The following FRMPD2 variants were observed in gnomAD, a reference collection of about 807,000 sequenced individuals.
The protein encoded by FRMPD2 is FERM and PDZ domain containing 2.
FRMPD2 carries 96 observed loss-of-function variants against 140.1 expected under a neutral mutation model. That is an observed-to-expected ratio of 0.69 (90% CI 0.58 to 0.81). FRMPD2 has a LOEUF of 0.81. Among genes scored for constraint, FRMPD2 ranks in the 40% least tolerant of loss-of-function variants. The pLI is 0.00. For synonymous variants in FRMPD2, 449 were observed against 547.6 expected, an observed-to-expected ratio of 0.82 and a Z score of 2.52; for missense variants, 1,240 against 1,447.4, an observed-to-expected ratio of 0.86 and a Z score of 2.32.
chr10:48,270,548 T>A (rs1840749307), intron 1 of FRMPD2, among the ~76,000 whole-genome samples: 1 of 152,262 alleles, frequency 6.6e-6, no homozygotes, highest in African/African-American at 2.4e-5. Context: ...CCTCTTCAAA[T>A]CACTCTACAT....
rs148604446 is a variant in FRMPD2, at chr10:48,236,229, G to A, written c.993+253C>T. 2.3e-3 allele frequency among the ~76,000 whole-genome samples: 345 copies of A among 152,270 alleles called. 2 individuals are homozygous for A. The highest frequency in any genetic ancestry group is 8.1e-3 in the African/African-American group (335 of 41,552). On this transcript the variant is annotated intron_variant, in intron 9 of 28. Coordinates refer to ENST00000374201, the MANE Select transcript of FRMPD2 (RefSeq NM_001018071.4). ...GAATAGTGCCTGGCACCTGGTAGATGTTTCACAGCATTCCCTAGCTGAGGC... is the reference window on the plus strand; with the variant it reads ...GAATAGTGCCTGGCACCTGGTAGATATTTCACAGCATTCCCTAGCTGAGGC...
chr10:48,260,068 T>A (rs918056980), intron 1 of FRMPD2, among the ~76,000 whole-genome samples: 1 of 151,916 alleles, frequency 6.6e-6, no homozygotes, highest in African/African-American at 2.4e-5. Context: ...GTATAACATA[T>A]GTGTAAAAGG....
intron 10 of FRMPD2, among the ~76,000 whole-genome samples, chr10:48,227,627 T>C (rs1839753349): frequency 6.6e-6 from 1 of 152,238 alleles, no homozygotes; most frequent in Admixed American, 6.5e-5. Context: ...AAAGGCTTAT[T>C]GGCTTTGAGT....
chr10:48,245,473 T>C (rs1321284471), intron 3 of FRMPD2, among the ~76,000 whole-genome samples: 1 of 152,252 alleles, frequency 6.6e-6, no homozygotes. Flanking sequence ...AAGAGCATTG[T>C]TTGACATCTC....
At chr10:48,191,138 C>CT (rs978393954) in intron 16 of FRMPD2, among the ~76,000 whole-genome samples, 1 of 152,214 alleles carries the variant, frequency 6.6e-6, no homozygotes, top group Non-Finnish European at 1.5e-5. Context: ...CTGACAGCTT[C>CT]TTTTTGGGAT....
intron 2 of FRMPD2, among the ~76,000 whole-genome samples, chr10:48,249,415 C>A (rs777795783): frequency 2.0e-5 from 3 of 152,178 alleles, no homozygotes; most frequent in Admixed American, 6.5e-5. Context: ...ATCTGTGGCC[C>A]AAGAGTCTCA....
At chr10:48,225,189 G>C (rs375594819) in intron 10 of FRMPD2, among the ~76,000 whole-genome samples, 1 of 152,306 alleles carries the variant, frequency 6.6e-6, no homozygotes, top group South Asian at 2.1e-4. Flanking sequence ...AAGAAATCCA[G>C]CTGTGGCAGC....
At chr10:48,234,263 G>A (rs1330050280) in intron 9 of FRMPD2, among the ~76,000 whole-genome samples, 1 of 152,152 alleles carries the variant, frequency 6.6e-6, no homozygotes, top group Non-Finnish European at 1.5e-5. Flanking sequence ...ACATTAAACA[G>A]CAAATAAAAA....
intron 12 of FRMPD2, among the ~76,000 whole-genome samples, chr10:48,216,045 C>T (rs185172047): frequency 2.0e-5 from 3 of 152,312 alleles, no homozygotes; most frequent in Non-Finnish European, 2.9e-5. Flanking sequence ...GAAGCAGCTC[C>T]TCTCTGCCTG....
intron 12 of FRMPD2, among the ~76,000 whole-genome samples, chr10:48,215,641 G>A (rs1324183629): frequency 6.6e-6 from 1 of 152,174 alleles, no homozygotes; most frequent in Non-Finnish European, 1.5e-5. Flanking sequence ...TCTGCCTTTG[G>A]GGGCCACATG....
In FRMPD2 at chr10:48,164,208, A is replaced by T. The variant is rs1283001118; in HGVS notation, c.3538-537T>A. ...TGCCACTGCTTGACCTTCTACAGAA[A>T]AACAATCTGTGTTTCAGTAGAAAAC... is the stretch of plus-strand genomic sequence containing the variant. On this transcript the variant is annotated intron_variant, in intron 27 of 28. Coordinates refer to ENST00000374201, the MANE Select transcript of FRMPD2 (RefSeq NM_001018071.4). Among the ~76,000 whole-genome samples, 46 of 150,732 alleles carry T rather than the reference A, an allele frequency of 3.1e-4. 2 individuals are homozygous for T. The highest frequency in any genetic ancestry group is 5.9e-5 in the Non-Finnish European group (4 of 67,832).
intron 10 of FRMPD2, among the ~76,000 whole-genome samples, chr10:48,225,339 T>A (rs1588840760): frequency 6.6e-6 from 1 of 152,064 alleles, no homozygotes; most frequent in Non-Finnish European, 1.5e-5. Flanking sequence ...CCACAGGAAA[T>A]GTTTTCCATT....
Position 48,229,585 on chromosome 10 carries a change from C to T in FRMPD2, c.1168+2530G>A, listed in dbSNP as rs149959407. Among the ~76,000 whole-genome samples, 543 of 152,172 alleles carry T rather than the reference C, an allele frequency of 3.6e-3. 1 individual carries two copies. Among genetic ancestry groups the T allele is most frequent in the South Asian group, 0.02 (96 of 4,824 alleles). On this transcript the variant is annotated intron_variant, in intron 10 of 28. Coordinates refer to ENST00000374201, the MANE Select transcript of FRMPD2 (RefSeq NM_001018071.4). ...TATCCAATAATAAGTGGTGCCAAAT[C>T]TTTAAGTTATATTTATAAATATAGT...
chr10:48,178,517 T>C (rs1425835299), intron 21 of FRMPD2, among the ~76,000 whole-genome samples: 2 of 152,074 alleles, frequency 1.3e-5, no homozygotes, highest in Admixed American at 1.3e-4. Context: ...CGCAGGAAAA[T>C]AGACAAGCTG....
chr10:48,244,450 C>G (rs1218236232), intron 4 of FRMPD2, among the ~76,000 whole-genome samples: 1 of 152,172 alleles, frequency 6.6e-6, no homozygotes, highest in Non-Finnish European at 1.5e-5. Context: ...TGTTTTAAAG[C>G]CTTTTTAAAA....
intron 3 of FRMPD2, among the ~76,000 whole-genome samples, chr10:48,247,422 G>T (rs920935337): frequency 8.5e-5 from 13 of 152,230 alleles, no homozygotes; most frequent in African/African-American, 2.7e-4. Flanking sequence ...TGACAGTGTA[G>T]AGAAAATGGG....
At chr10:48,159,502 C>A (rs1837876778) in intron 28 of FRMPD2, among the ~76,000 whole-genome samples, 1 of 151,818 alleles carries the variant, frequency 6.6e-6, no homozygotes, top group African/African-American at 2.4e-5. Context: ...GGCATGACAT[C>A]TCCCTCACCT....
At chr10:48,247,846 T>C (rs1017643862) in intron 3 of FRMPD2, among the ~76,000 whole-genome samples, 1 of 152,140 alleles carries the variant, frequency 6.6e-6, no homozygotes, top group African/African-American at 2.4e-5. Context: ...CGCAAGTCTG[T>C]GTCCAATCCA....
At chr10:48,240,633 C>CAGAGCACATTCTGGGTG in intron 5 of FRMPD2, 141 bp from the exon 6 acceptor site, 2 of 1,187,246 alleles carry the variant, frequency 1.7e-6, no homozygotes, top group Non-Finnish European at 2.4e-6. Flanking sequence ...TTCTCTGGCA[C>CAGAGCACATTCTGGGTG]CCAGAATGTG....
Sources: allele counts gnomAD v4.1 joint callset (sites outside exome capture counted in the v4.1 genomes callset), GRCh38; gene constraint gnomAD v4.1.1; transcripts MANE v1.5; gene names NCBI Gene and HGNC (gene_info 2026-07-23, HGNC 2026-07-21).